CDC42SE2: variants seen among roughly 807,000 people sequenced by gnomAD.
CDC42SE2 encodes the protein CDC42 small effector 2, also known as CDC42 small effector protein 2.
In CDC42SE2, 3 loss-of-function variants were observed where a neutral mutation model predicts 11.5. The observed-to-expected ratio is 0.26, with a 90% CI of 0.12 to 0.67. The LOEUF (loss-of-function observed/expected upper bound fraction) is 0.67, where lower values mean the gene tolerates loss of function less well. Ranked by LOEUF, CDC42SE2 falls within the 30% of genes least tolerant of loss-of-function variation. The probability of loss-of-function intolerance (pLI) is 0.80; values close to 1 mark genes in which losing one functional copy is unlikely to be tolerated. For missense variants in CDC42SE2, 82 were observed against 106.8 expected, an observed-to-expected ratio of 0.77 and a Z score of 1.02; for synonymous variants, 33 against 34.8, an observed-to-expected ratio of 0.95 and a Z score of 0.18.
At chr5:131,212,118 T>G in the CDC42SE2 span, among the ~76,000 whole-genome samples, 1 of 151,530 alleles carries the variant, frequency 6.6e-6, no homozygotes, top group Non-Finnish European at 1.5e-5. Context: ...TTTTTGTTTT[T>G]TTGTTTTGAG....
At chr5:131,217,588 TC>T in the CDC42SE2 span, among the ~76,000 whole-genome samples, 5 of 152,080 alleles carry the variant, frequency 3.3e-5, no homozygotes, top group Non-Finnish European at 7.4e-5. Context: ...GGTATGTAGA[TC>T]TAAACATAAA....
intron 1 of CDC42SE2, among the ~76,000 whole-genome samples, chr5:131,270,763 G>A (rs1470546717): frequency 2.6e-5 from 4 of 152,206 alleles, no homozygotes; most frequent in Non-Finnish European, 4.4e-5. Context: ...CAGTATAGTA[G>A]TGTTCAAACT....
At chr5:131,251,766 A>C (rs1468453) in intron 1 of CDC42SE2, among the ~76,000 whole-genome samples, 117,320 of 152,006 alleles carry the variant, frequency 0.77, 45,680 homozygotes, top group African/African-American at 0.83. Flanking sequence ...GTAATTGCGG[A>C]ATTTTGGGAT....
chr5:131,251,911 C>T (rs1188799712), intron 1 of CDC42SE2, among the ~76,000 whole-genome samples: 1 of 152,052 alleles, frequency 6.6e-6, no homozygotes, highest in Non-Finnish European at 1.5e-5. Context: ...ACTTGGGAGG[C>T]TGAGTTGGCA....
At chr5:131,225,375 A>G in the CDC42SE2 span, among the ~76,000 whole-genome samples, 1 of 152,218 alleles carries the variant, frequency 6.6e-6, no homozygotes. Flanking sequence ...TCAGAGCTAC[A>G]TACTTGTTTA....
chr5:131,362,575 C>T (rs936150674), intron 3 of CDC42SE2, among the ~76,000 whole-genome samples: 8 of 152,134 alleles, frequency 5.3e-5, no homozygotes, highest in Non-Finnish European at 7.4e-5. Flanking sequence ...TCCCTATCAC[C>T]CCCTGCTTTT....
chr5:131,326,471 CCTAT>C (rs1309670374), intron 2 of CDC42SE2, among the ~76,000 whole-genome samples: 2 of 152,012 alleles, frequency 1.3e-5, no homozygotes, highest in Middle Eastern at 3.2e-3. Context: ...TATTATATGA[CCTAT>C]CTGTGTATAT....
At chr5:131,325,861 T>A (rs1402816874) in intron 2 of CDC42SE2, among the ~76,000 whole-genome samples, 1 of 152,228 alleles carries the variant, frequency 6.6e-6, no homozygotes, top group Non-Finnish European at 1.5e-5. Context: ...TCTTCTATTG[T>A]ATTTGTAGAT....
At chr5:131,265,452 G>C (rs1056717157) in intron 1 of CDC42SE2, among the ~76,000 whole-genome samples, 3 of 152,122 alleles carry the variant, frequency 2.0e-5, no homozygotes, top group Non-Finnish European at 2.9e-5. Context: ...CTAAATTTAG[G>C]GGGGGAAAAG....
In CDC42SE2 at chr5:131,388,936, G is replaced by A. The variant is rs116967364; in HGVS notation, c.157-2057G>A. 1.5e-3 allele frequency among the ~76,000 whole-genome samples: 230 copies of A among 152,136 alleles called. 1 individual carries two copies. In the East Asian group the frequency reaches 0.039, roughly 26 times the overall value. On this transcript the variant is annotated intron_variant, in intron 4 of 4. Transcript: ENST00000505065. ...CAGCCTTGACCGCCTAGGCTCAATC[G>A]ATCATCCTGCCTCAGCCTCCCCCAG...
At chr5:131,390,413 G>A (rs1310421744) in intron 4 of CDC42SE2, among the ~76,000 whole-genome samples, 1 of 151,952 alleles carries the variant, frequency 6.6e-6, no homozygotes, top group African/African-American at 2.4e-5. Flanking sequence ...GGCCGGGTGC[G>A]GTGGCTCATG....
chr5:131,234,621 G>A, the CDC42SE2 span, among the ~76,000 whole-genome samples: 1 of 149,674 alleles, frequency 6.7e-6, no homozygotes. Flanking sequence ...GGGTGACAGA[G>A]TGAGACTCTG....
At chr5:131,220,884 C>CTTT in the CDC42SE2 span, among the ~76,000 whole-genome samples, 2,181 of 128,992 alleles carry the variant, frequency 0.017, 109 homozygotes, top group African/African-American at 0.06. Context: ...CACCAGAAAC[C>CTTT]TTTTTTTTTT....
chr5:131,282,427 A>G lies in CDC42SE2; in HGVS notation c.-455+18261A>G, dbSNP rs559129540. 8.5e-5 allele frequency among the ~76,000 whole-genome samples: 13 copies of G among 152,354 alleles called. No homozygotes were observed. In the South Asian group the frequency reaches 2.7e-3, roughly 32 times the overall value. ...TTGTTCAGACCTGAGTACAGTGATG[A>G]CACAGGTACTAAATATGTTGTTGGA... is the stretch of plus-strand genomic sequence containing the variant. On this transcript the variant is annotated intron_variant, in intron 1 of 4. Transcript: ENST00000505065.
intron 1 of CDC42SE2, among the ~76,000 whole-genome samples, chr5:131,297,157 CTTTT>C (rs5871416): frequency 6.6e-4 from 90 of 136,550 alleles, no homozygotes; most frequent in Middle Eastern, 3.7e-3. Flanking sequence ...ACTTTATATT[CTTTT>C]TTTTTTTTTT....
the CDC42SE2 span, among the ~76,000 whole-genome samples, chr5:131,223,367 T>C: frequency 6.6e-6 from 1 of 152,094 alleles, no homozygotes; most frequent in Non-Finnish European, 1.5e-5. Flanking sequence ...GGATGAGTAC[T>C]GGGAAGATGT....
chr5:131,336,139 C>T (rs568372616), intron 2 of CDC42SE2, among the ~76,000 whole-genome samples: 2 of 152,326 alleles, frequency 1.3e-5, no homozygotes, highest in Admixed American at 1.3e-4. Flanking sequence ...GTGCTTCCTT[C>T]AGGAGCTCTT....
intron 1 of CDC42SE2, among the ~76,000 whole-genome samples, chr5:131,313,609 T>C (rs899943852): frequency 5.3e-5 from 8 of 152,350 alleles, no homozygotes; most frequent in African/African-American, 1.9e-4. Flanking sequence ...TGTACCCTTA[T>C]GGAAAATAAG....
At chr5:131,234,951 C>T in the CDC42SE2 span, among the ~76,000 whole-genome samples, 19,152 of 148,418 alleles carry the variant, frequency 0.13, 2,923 homozygotes, top group African/African-American at 0.37. Context: ...TGCAGTGGCA[C>T]GATCTCGACT....
Sources: gnomAD v4.1 joint callset for allele counts (sites outside exome capture counted in the v4.1 genomes callset) on GRCh38, gnomAD v4.1.1 for gene constraint, MANE v1.5 for transcripts, NCBI Gene and HGNC (gene_info 2026-07-23, HGNC 2026-07-21) for gene names.